The following DPH6 variants were observed in gnomAD, a reference collection of about 807,000 sequenced individuals.
DPH6 encodes diphthamine biosynthesis 6.
DPH6 carries 33 observed loss-of-function variants against 38.2 expected under a neutral mutation model. That is an observed-to-expected ratio of 0.86 (90% CI 0.65 to 1.15). DPH6 has a LOEUF of 1.15. DPH6 is among the 50% of genes most tolerant of loss of function. DPH6 has a pLI of 0.00. For missense variants in DPH6, 325 were observed against 320.0 expected, an observed-to-expected ratio of 1.02 and a Z score of -0.12; for synonymous variants, 108 against 103.0, an observed-to-expected ratio of 1.05 and a Z score of -0.30.
intron 5 of DPH6, among the ~76,000 whole-genome samples, chr15:35,448,896 C>T (rs925373399): frequency 1.3e-5 from 2 of 151,066 alleles, no homozygotes; most frequent in African/African-American, 4.9e-5. Context: ...GTAGAACTGA[C>T]CTTTTTCTAT....
chr15:35,279,933 C>G (rs2051887532), intron 3 of DPH6, among the ~76,000 whole-genome samples: 1 of 152,048 alleles, frequency 6.6e-6, no homozygotes, highest in Non-Finnish European at 1.5e-5. Context: ...GACTGATGAC[C>G]TTATATGAAG....
intron 3 of DPH6, chr15:35,238,059 A>T: frequency 1.3e-6 from 2 of 1,560,158 alleles, no homozygotes; most frequent in Non-Finnish European, 1.8e-6. Context: ...GAAGATGATG[A>T]CTAAGTGGAA....
intron 3 of DPH6, among the ~76,000 whole-genome samples, chr15:35,350,027 G>A (rs1004920115): frequency 6.6e-6 from 1 of 152,152 alleles, no homozygotes; most frequent in South Asian, 2.1e-4. Context: ...AAGGATTTTT[G>A]TTAGTTCTTT....
rs1203511444 is a variant in DPH6 at position 35,371,994 on chromosome 15, T to C, written c.*156A>G. On this transcript the variant is annotated 3_prime_UTR_variant, in exon 9 of 9. Transcript: ENST00000256538. Reference sequence around the variant, plus strand: ...ATGCCGTCGACATTTTCCCAATTAATAAATGGTTCCACTAACCTCTTCTAG... The same window carrying C: ...ATGCCGTCGACATTTTCCCAATTAACAAATGGTTCCACTAACCTCTTCTAG... The C allele has an allele frequency of 1.3e-5, 18 of 1,340,818 alleles. No homozygotes were observed. The highest frequency in any genetic ancestry group is 1.6e-5 in the Non-Finnish European group (17 of 1,044,658). 83.1% of individuals were successfully genotyped at this position (1,340,818 alleles called of 1,614,324 possible).
At chr15:35,424,227 A>C (rs940757987) in intron 5 of DPH6, among the ~76,000 whole-genome samples, 1 of 151,524 alleles carries the variant, frequency 6.6e-6, no homozygotes, top group Non-Finnish European at 1.5e-5. Flanking sequence ...TGACTTTTTA[A>C]ATTTCCTTCA....
chr15:35,414,225 T>C (rs577697203), intron 5 of DPH6, among the ~76,000 whole-genome samples: 2 of 151,932 alleles, frequency 1.3e-5, no homozygotes, highest in African/African-American at 4.8e-5. Context: ...CTGTGAGTGG[T>C]ATACTCTCCC....
At chr15:35,540,557 C>A (rs939156024) in intron 2 of DPH6, among the ~76,000 whole-genome samples, 6 of 152,084 alleles carry the variant, frequency 3.9e-5, no homozygotes, top group Non-Finnish European at 8.8e-5. Context: ...TACCAACCCA[C>A]AGCCATCTGT....
chr15:35,382,390 GA>G (rs1338228607), intron 6 of DPH6, among the ~76,000 whole-genome samples: 3 of 152,142 alleles, frequency 2.0e-5, no homozygotes, highest in African/African-American at 7.2e-5. Flanking sequence ...AGTTTGCAGT[GA>G]GCCGAGATCA....
At chr15:35,528,593 T>G (rs989832884) in intron 3 of DPH6, among the ~76,000 whole-genome samples, 1 of 152,108 alleles carries the variant, frequency 6.6e-6, no homozygotes, top group Admixed American at 6.6e-5. Context: ...AGTATCTTAG[T>G]TTTTAATTTG....
chr15:35,294,779 G>A (rs1255139151), intron 3 of DPH6, among the ~76,000 whole-genome samples: 1 of 152,204 alleles, frequency 6.6e-6, no homozygotes, highest in African/African-American at 2.4e-5. Flanking sequence ...TGAGATAAAG[G>A]TGAGGTGCAA....
At chr15:35,245,134 ATCAATCATTCATGATTCTATG>A in intron 3 of DPH6, among the ~76,000 whole-genome samples, 1 of 152,162 alleles carries the variant, frequency 6.6e-6, no homozygotes, top group South Asian at 2.1e-4. Context: ...ACAAGAATCT[ATCAATCATTCATGATTCTATG>A]AAATCAGAAA....
intron 3 of DPH6, among the ~76,000 whole-genome samples, chr15:35,318,647 GAA>G (rs2052213351): frequency 6.6e-6 from 1 of 151,982 alleles, no homozygotes; most frequent in Admixed American, 6.6e-5. Context: ...TAGAAATCAA[GAA>G]CTAAAAACAA....
At chr15:35,238,141 GC>G in intron 3 of DPH6, 2 of 887,288 alleles carry the variant, frequency 2.3e-6, no homozygotes, top group South Asian at 1.4e-5. Flanking sequence ...CTCCAATCCT[GC>G]CCCCTGAAAC....
chr15:35,216,436 T>A (rs1415780587), downstream of DPH6, among the ~76,000 whole-genome samples: 1 of 152,236 alleles, frequency 6.6e-6, no homozygotes, highest in Non-Finnish European at 1.5e-5. Flanking sequence ...TTTATTTTCA[T>A]ATTCAATGCT....
At chr15:35,208,642 G>A in the DPH6 span, among the ~76,000 whole-genome samples, 4 of 152,184 alleles carry the variant, frequency 2.6e-5, no homozygotes, top group Non-Finnish European at 4.4e-5. Flanking sequence ...GAGAAATGTC[G>A]TGTTTGAGCC....
chr15:35,340,970 A>C (rs2052416643), intron 3 of DPH6, among the ~76,000 whole-genome samples: 1 of 151,936 alleles, frequency 6.6e-6, no homozygotes. Flanking sequence ...TCTGAAGTAT[A>C]TTTTCCACCT....
At chr15:35,387,638 CTGTT>C (rs1338465307) in intron 6 of DPH6, among the ~76,000 whole-genome samples, 9 of 152,064 alleles carry the variant, frequency 5.9e-5, no homozygotes, top group South Asian at 2.1e-4. Context: ...ATTTGGCTCT[CTGTT>C]TGTCTGTTAT....
At chr15:35,378,575 C>A (rs2052814380) in intron 7 of DPH6, among the ~76,000 whole-genome samples, 1 of 152,124 alleles carries the variant, frequency 6.6e-6, no homozygotes, top group Non-Finnish European at 1.5e-5. Context: ...TGGAACCAAC[C>A]TAAATGTCCA....
At chr15:35,440,747 C>A (rs2053777267) in intron 5 of DPH6, among the ~76,000 whole-genome samples, 1 of 152,080 alleles carries the variant, frequency 6.6e-6, no homozygotes, top group Admixed American at 6.5e-5. Flanking sequence ...GGAGGAGCCA[C>A]CAGGAATATG....
Sources: allele counts gnomAD v4.1 joint callset (sites outside exome capture counted in the v4.1 genomes callset), GRCh38; gene constraint gnomAD v4.1.1; transcripts MANE v1.5; gene names NCBI Gene and HGNC (gene_info 2026-07-23, HGNC 2026-07-21).